HOMER1: variants seen among roughly 807,000 people sequenced by gnomAD.
HOMER1 encodes the protein homer scaffold protein 1, also known as homer protein homolog 1.
A neutral mutation model predicts 48.9 loss-of-function variants in HOMER1; 3 were observed. The ratio of observed to expected loss-of-function variants is 0.06; its 90% CI spans 0.03 to 0.16. HOMER1 has a LOEUF of 0.16. HOMER1 is among the 10% of genes least tolerant of loss of function. HOMER1 has a pLI of 1.00. For missense variants in HOMER1, 247 were observed against 411.4 expected, an observed-to-expected ratio of 0.60 and a Z score of 3.46; for synonymous variants, 134 against 146.4, an observed-to-expected ratio of 0.92 and a Z score of 0.61.
intron 5 of HOMER1, among the ~76,000 whole-genome samples, chr5:79,405,348 T>A (rs1423774353): frequency 6.6e-6 from 1 of 152,182 alleles, no homozygotes; most frequent in Non-Finnish European, 1.5e-5. Flanking sequence ...TTCTATAGTT[T>A]AAGCCATGCA....
rs546866253 is a variant in HOMER1 at position 79,487,512 on chromosome 5, A to G, written c.5+25258T>C. ...CATGCCGAGATCTAGCAACAAGTTC[A>G]CCACAAACAGAACAGAGGAACATTT... On this transcript the variant is annotated intron_variant, in intron 1 of 8. Coordinates refer to ENST00000334082, the MANE Select transcript of HOMER1 (RefSeq NM_004272.5). 2.0e-5 allele frequency among the ~76,000 whole-genome samples: 3 copies of G among 152,294 alleles called. No individual in the cohort carries two copies. In the South Asian group the frequency reaches 6.2e-4, roughly 32 times the overall value.
At chr5:79,440,827 C>G (rs1462719180) in intron 4 of HOMER1, among the ~76,000 whole-genome samples, 1 of 152,160 alleles carries the variant, frequency 6.6e-6, no homozygotes, top group Non-Finnish European at 1.5e-5. Context: ...ACCTGCTAAA[C>G]AGTTAAATTG....
rs904944753 is a variant in HOMER1, at chr5:79,375,426, G to A, written c.*583C>T. The A allele has an allele frequency of 6.6e-6, 1 of 151,998 alleles. No individual in the cohort carries two copies. Among genetic ancestry groups the A allele is most frequent in the African/African-American group, 2.4e-5 (1 of 41,394 alleles). The allele number at this position is 151,998 out of a possible 1,614,324, so 9.4% of individuals were successfully genotyped here. A position where few individuals can be genotyped will look rare whatever the true frequency, so the allele number is the denominator to read the frequency against. ...ATATCTTCCAGCACAAAAAAGGGAA[G>A]AACTCTATACACCCAGTTATAGTAT... is the stretch of plus-strand genomic sequence containing the variant. On this transcript the variant is annotated 3_prime_UTR_variant, in exon 9 of 9. Transcript: ENST00000334082.
chr5:79,478,534 A>T (rs768390860), intron 1 of HOMER1, among the ~76,000 whole-genome samples: 16 of 150,550 alleles, frequency 1.1e-4, no homozygotes, highest in Admixed American at 1.3e-4. Flanking sequence ...ACTAAAATAC[A>T]AAAAAATAAA....
intron 1 of HOMER1, among the ~76,000 whole-genome samples, chr5:79,470,871 AAC>A (rs1444321120): frequency 6.6e-6 from 1 of 152,196 alleles, no homozygotes; most frequent in Non-Finnish European, 1.5e-5. Context: ...TAATAAAGAA[AAC>A]AGTTTATAAA....
intron 1 of HOMER1, among the ~76,000 whole-genome samples, chr5:79,469,479 C>T (rs1274370892): frequency 6.6e-6 from 1 of 152,100 alleles, no homozygotes; most frequent in South Asian, 2.1e-4. Context: ...CTAATTACAG[C>T]TAAGTCTTTT....
intron 1 of HOMER1, among the ~76,000 whole-genome samples, chr5:79,458,005 C>T (rs1165347491): frequency 6.6e-6 from 1 of 152,166 alleles, no homozygotes; most frequent in Non-Finnish European, 1.5e-5. Flanking sequence ...GGAAAACATA[C>T]ATTCACTATA....
rs1748679499 is a variant in HOMER1 at position 79,373,244 on chromosome 5, A to G, written c.*2765T>C. ...GTAAAAGACTGGAGGAAAAAAAGATAAAGTACATTCTCCAGAGAACAAATG... is the reference window on the plus strand; with the variant it reads ...GTAAAAGACTGGAGGAAAAAAAGATGAAGTACATTCTCCAGAGAACAAATG... On this transcript the variant is annotated 3_prime_UTR_variant, in exon 9 of 9. Coordinates refer to ENST00000334082, the MANE Select transcript of HOMER1 (RefSeq NM_004272.5). The G allele has an allele frequency of 6.6e-6, 1 of 152,106 alleles. No individual in the cohort carries two copies. Among genetic ancestry groups the G allele is most frequent in the Admixed American group, 6.6e-5 (1 of 15,266 alleles). The allele number at this position is 152,106 out of a possible 1,614,324, so 9.4% of individuals were successfully genotyped here. A position where few individuals can be genotyped will look rare whatever the true frequency, so the allele number is the denominator to read the frequency against.
At chr5:79,387,097 CTCTT>C (rs1389701342) in intron 8 of HOMER1, among the ~76,000 whole-genome samples, 7 of 146,118 alleles carry the variant, frequency 4.8e-5, no homozygotes, top group Non-Finnish European at 7.5e-5. Context: ...CTCTCTCTCT[CTCTT>C]TCTTTCACAA....
chr5:79,379,389 A>G (rs1291892819), intron 8 of HOMER1, among the ~76,000 whole-genome samples: 2 of 114,980 alleles, frequency 1.7e-5, no homozygotes, highest in African/African-American at 3.5e-5. Context: ...TATTTTATAT[A>G]TTATATAAAT....
intron 1 of HOMER1, among the ~76,000 whole-genome samples, chr5:79,489,768 A>G (rs541578340): frequency 6.6e-6 from 1 of 152,320 alleles, no homozygotes; most frequent in East Asian, 1.9e-4. Flanking sequence ...AGACTACAAC[A>G]TTCAAAATTA....
At chr5:79,501,209 C>CATCT (rs879434111) in intron 1 of HOMER1, among the ~76,000 whole-genome samples, 9 of 150,766 alleles carry the variant, frequency 6.0e-5, no homozygotes, top group Admixed American at 5.3e-4. Context: ...AAGCTCAAGC[C>CATCT]ATCTGCCTGC....
intron 4 of HOMER1, among the ~76,000 whole-genome samples, chr5:79,446,750 A>G (rs1750892688): frequency 1.4e-5 from 2 of 146,222 alleles, no homozygotes; most frequent in Middle Eastern, 3.7e-3. Flanking sequence ...TGATCCTCCT[A>G]CCTCAGCTTC....
At position 79,396,757 on chromosome 5, in the gene HOMER1, C is replaced by T; in HGVS notation, c.876+66G>A. The T allele has an allele frequency of 4.7e-6, 4 of 859,160 alleles. No individual in the cohort carries two copies. The Middle Eastern group carries it at 6.9e-4, about 148-fold the overall frequency. The allele number at this position is 859,160 out of a possible 1,614,324, so 53.2% of individuals were successfully genotyped here. ...CAAAATGGAGTCTCAGAAAAAAAGT[C>T]AGTGCTATGTGAAAAAATGATGCCT... On this transcript the variant is annotated intron_variant, in intron 8 of 8. Coordinates refer to ENST00000334082, the MANE Select transcript of HOMER1 (RefSeq NM_004272.5).
chr5:79,393,573 C>T (rs1166483567), intron 8 of HOMER1, among the ~76,000 whole-genome samples: 2 of 152,156 alleles, frequency 1.3e-5, no homozygotes, highest in Admixed American at 1.3e-4. Context: ...TGGCAAAGAA[C>T]GGGTCCAGGG....
chr5:79,384,085 T>A (rs780919898), intron 8 of HOMER1, among the ~76,000 whole-genome samples: 1 of 146,230 alleles, frequency 6.8e-6, no homozygotes, highest in African/African-American at 2.5e-5. Flanking sequence ...AATCTAACAA[T>A]GTGCCTCAAG....
chr5:79,472,318 T>C (rs545197411), intron 1 of HOMER1, among the ~76,000 whole-genome samples: 2 of 152,348 alleles, frequency 1.3e-5, no homozygotes. Context: ...TTTAAGCAAA[T>C]ACTTTTTTAA....
In HOMER1 at chr5:79,374,466, G is replaced by A. The variant is rs1748708891; in HGVS notation, c.*1543C>T. On this transcript the variant is annotated 3_prime_UTR_variant, in exon 9 of 9. Transcript: ENST00000334082. Reference sequence around the variant, plus strand: ...AAAAAACAAAATTGTCTAGTATTGAGTAGCTGTTTATGAGTGAAAAAATGG... The same window carrying A: ...AAAAAACAAAATTGTCTAGTATTGAATAGCTGTTTATGAGTGAAAAAATGG... The A allele has an allele frequency of 1.3e-5, 2 of 152,188 alleles. No homozygotes were observed. The highest frequency in any genetic ancestry group is 4.1e-4 in the South Asian group (2 of 4,830). 9.4% of individuals were successfully genotyped at this position (152,188 alleles called of 1,614,324 possible). A position where few individuals can be genotyped will look rare whatever the true frequency, so the allele number is the denominator to read the frequency against.
At chr5:79,458,216 G>A (rs1357672841) in intron 1 of HOMER1, among the ~76,000 whole-genome samples, 1 of 152,000 alleles carries the variant, frequency 6.6e-6, no homozygotes, top group African/African-American at 2.4e-5. Flanking sequence ...ATATATAATA[G>A]AAGCATCGTA....
Sources: gnomAD v4.1 joint callset for allele counts (sites outside exome capture counted in the v4.1 genomes callset) on GRCh38, gnomAD v4.1.1 for gene constraint, MANE v1.5 for transcripts, NCBI Gene and HGNC (gene_info 2026-07-23, HGNC 2026-07-21) for gene names.